TRDMT1: variants seen among roughly 807,000 people sequenced by gnomAD.
TRDMT1 encodes tRNA aspartic acid methyltransferase 1.
In TRDMT1, 49 loss-of-function variants were observed where a neutral mutation model predicts 51.2. The observed-to-expected ratio is 0.96, with a 90% CI of 0.76 to 1.21. The LOEUF (loss-of-function observed/expected upper bound fraction) is 1.21. Ranked by LOEUF, TRDMT1 falls within the 50% of genes most tolerant of loss-of-function variation. TRDMT1 has a pLI of 0.00. For synonymous variants in TRDMT1, 187 were observed against 164.6 expected (o/e 1.14, Z -1.04); for missense variants, 534 against 462.3 (o/e 1.16, Z -1.42).
chr10:17,162,793 A>C (rs1366033879), intron 3 of TRDMT1, among the ~76,000 whole-genome samples: 1 of 152,196 alleles, frequency 6.6e-6, no homozygotes, highest in African/African-American at 2.4e-5. Context: ...AAAAGAAAAA[A>C]ATCCTTACAT....
chr10:17,166,576 A>T (rs1482661797), intron 3 of TRDMT1, among the ~76,000 whole-genome samples: 1 of 152,228 alleles, frequency 6.6e-6, no homozygotes, highest in African/African-American at 2.4e-5. Context: ...AGCTGGCATC[A>T]TTGGTCAGTT....
intron 1 of TRDMT1, among the ~76,000 whole-genome samples, chr10:17,191,974 C>T (rs1002929966): frequency 2.0e-5 from 3 of 152,128 alleles, no homozygotes; most frequent in Non-Finnish European, 4.4e-5. Flanking sequence ...GCCATCACCC[C>T]CTGACAGTGT....
intron 10 of TRDMT1, 149 bp from the exon 11 acceptor site, chr10:17,149,289 G>C (rs1838393198): frequency 3.2e-6 from 2 of 625,500 alleles, no homozygotes; most frequent in South Asian, 4.1e-5. Context: ...AGAGAATTTG[G>C]AGCCAAAAAT....
Position 17,146,095 on chromosome 10 carries a change from G to A in TRDMT1, c.*2945C>T, listed in dbSNP as rs961649355. ...CACATGGTAGCAATACAGCCTTTCAGGGCAACTTAAAAGCCTCTCTACTAA... is the reference window on the plus strand; with the variant it reads ...CACATGGTAGCAATACAGCCTTTCAAGGCAACTTAAAAGCCTCTCTACTAA... On this transcript the variant is annotated 3_prime_UTR_variant, in exon 11 of 11. Coordinates refer to ENST00000377799, the MANE Select transcript of TRDMT1 (RefSeq NM_004412.7). 8 of 985,236 alleles carry A rather than the reference G, an allele frequency of 8.1e-6. No individual in the cohort carries two copies. Among genetic ancestry groups the A allele is most frequent in the Non-Finnish European group, 9.6e-6 (8 of 829,938 alleles). The allele number at this position is 985,236 out of a possible 1,614,324, so 61.0% of individuals were successfully genotyped here. A position where few individuals can be genotyped will look rare whatever the true frequency, so the allele number is the denominator to read the frequency against.
chr10:17,169,752 G>A (rs537705973), intron 2 of TRDMT1, among the ~76,000 whole-genome samples: 41 of 152,176 alleles, frequency 2.7e-4, no homozygotes, highest in Non-Finnish European at 4.1e-4. Context: ...GTTAACGTGG[G>A]AACATGTCAG....
intron 3 of TRDMT1, among the ~76,000 whole-genome samples, chr10:17,166,815 T>A (rs1356977558): frequency 1.3e-5 from 2 of 152,200 alleles, no homozygotes; most frequent in Non-Finnish European, 1.5e-5. Flanking sequence ...CTCTGCAGTA[T>A]TACCTGAGGC....
chr10:17,169,375 ATC>A, intron 2 of TRDMT1: 2 of 1,256,758 alleles, frequency 1.6e-6, no homozygotes, highest in Non-Finnish European at 2.1e-6. Context: ...TTTCATATAC[ATC>A]TGTTAATATA....
intron 8 of TRDMT1, among the ~76,000 whole-genome samples, chr10:17,155,080 C>A (rs1314745994): frequency 6.6e-6 from 1 of 151,904 alleles, no homozygotes; most frequent in Non-Finnish European, 1.5e-5. Context: ...AAAAAATGAG[C>A]CAGGCGTGGT....
chr10:17,199,235 G>A (rs1194188282), intron 1 of TRDMT1, among the ~76,000 whole-genome samples: 2 of 152,192 alleles, frequency 1.3e-5, no homozygotes, highest in Non-Finnish European at 2.9e-5. Context: ...ATGATTAAGA[G>A]TCTATATCCC....
intron 1 of TRDMT1, among the ~76,000 whole-genome samples, chr10:17,181,687 T>TACCTTGGA (rs3054722): frequency 0.95 from 144,041 of 151,996 alleles, 68,626 homozygotes; most frequent in Non-Finnish European, 1. Context: ...TCAAATTTTT[T>TACCTTGGA]AACACCTACA....
At position 17,160,343 on chromosome 10, in the gene TRDMT1, C is replaced by T. The variant is rs1840154433; in HGVS notation, c.421G>A (p.Gly141Ser). The T allele has an allele frequency of 2.6e-6, 4 of 1,563,674 alleles. No individual in the cohort carries two copies. Among genetic ancestry groups the T allele is most frequent in the Non-Finnish European group, 3.5e-6 (4 of 1,155,476 alleles). The change falls in exon 6 of 11, where the codon GGC becomes AGC. Residue 141 changes from glycine (G) to serine (S), a missense_variant. Physicochemically the swap from Gly to Ser is moderately conservative, Grantham distance 56. Coordinates refer to ENST00000377799, the MANE Select transcript of TRDMT1 (RefSeq NM_004412.7). ...DLLIQTIENC[G>S]FQYQEFLLSP... ...AATAGAAACTCTTGGTACTGAAAGC[C>T]ACAATTTTCTATTGTTTGTATCAAG...
At chr10:17,150,539 C>A (rs6602181) in intron 10 of TRDMT1, 971,698 of 985,330 alleles carry the variant, frequency 0.99, 479,906 homozygotes, top group Non-Finnish European at 1. Context: ...CACGTACAAG[C>A]GTGTGCACTA....
At chr10:17,175,225 C>T (rs1401007564) in intron 1 of TRDMT1, among the ~76,000 whole-genome samples, 8 of 152,002 alleles carry the variant, frequency 5.3e-5, no homozygotes, top group African/African-American at 1.9e-4. Flanking sequence ...TAATTGGTAT[C>T]CAAATGTAAA....
At chr10:17,182,277 G>A (rs771157576) in intron 1 of TRDMT1, among the ~76,000 whole-genome samples, 2 of 152,182 alleles carry the variant, frequency 1.3e-5, no homozygotes, top group African/African-American at 4.8e-5. Context: ...ACTGGTTTCT[G>A]GTGACATGAT....
At chr10:17,188,033 T>C (rs1398669545) in intron 1 of TRDMT1, among the ~76,000 whole-genome samples, 3 of 113,204 alleles carry the variant, frequency 2.7e-5, no homozygotes, top group African/African-American at 9.3e-5. Context: ...AATTAAGTTC[T>C]ACATTAGTAA....
chr10:17,148,083 A>G lies in TRDMT1; in HGVS notation c.*957T>C. ...GCTTTTATCACAAACCATAGAATTT[A>G]TGATGCAAGACTTAGTTTGATTAGA... On this transcript the variant is annotated 3_prime_UTR_variant, in exon 11 of 11. Transcript: ENST00000377799. 1 of 985,384 alleles carries G rather than the reference A, an allele frequency of 1.0e-6. No individual in the cohort carries two copies. The highest frequency in any genetic ancestry group is 1.2e-6 in the Non-Finnish European group (1 of 829,878). The allele number at this position is 985,384 out of a possible 1,614,324, so 61.0% of individuals were successfully genotyped here.
chr10:17,139,078 C>G lies in TRDMT1; in HGVS notation c.*9962G>C. The G allele has an allele frequency of 1.4e-6, 1 of 724,106 alleles. No individual in the cohort carries two copies. Among genetic ancestry groups the G allele is most frequent in the Non-Finnish European group, 1.7e-6 (1 of 591,256 alleles). 44.9% of individuals were successfully genotyped at this position (724,106 alleles called of 1,614,324 possible). ...TCAACAGAGCTTTCTCTACCTCCAA[C>G]AGCTCCCGGAATGGGGACTTCAGCA... is the stretch of plus-strand genomic sequence containing the variant. On this transcript the variant is annotated 3_prime_UTR_variant, in exon 11 of 11. Coordinates refer to ENST00000377799, the MANE Select transcript of TRDMT1 (RefSeq NM_004412.7).
intron 1 of TRDMT1, among the ~76,000 whole-genome samples, chr10:17,189,042 T>C (rs1214164903): frequency 6.6e-6 from 1 of 152,200 alleles, no homozygotes; most frequent in Non-Finnish European, 1.5e-5. Context: ...TAATGTAGTT[T>C]ATCCAAGCAG....
chr10:17,174,502 A>G, intron 2 of TRDMT1, 49 bp downstream of exon 2: 5 of 1,332,080 alleles, frequency 3.8e-6, no homozygotes, highest in Non-Finnish European at 5.4e-6. Flanking sequence ...GTGTTTTTCA[A>G]TCACATTTCC....
Sources: allele counts gnomAD v4.1 joint callset (sites outside exome capture counted in the v4.1 genomes callset), GRCh38; gene constraint gnomAD v4.1.1; transcripts MANE v1.5; gene names NCBI Gene and HGNC (gene_info 2026-07-23, HGNC 2026-07-21).